The following ARHGAP27 variants were observed in gnomAD, a reference collection of about 807,000 sequenced individuals.
ARHGAP27 encodes rho GTPase-activating protein 27.
A neutral mutation model predicts 102.0 loss-of-function variants in ARHGAP27; 53 were observed. The observed-to-expected ratio is 0.52, with a 90% CI of 0.42 to 0.65. The LOEUF is 0.65. ARHGAP27 is among the 30% of genes least tolerant of loss of function. The probability of loss-of-function intolerance (pLI) is 0.00; values close to 1 mark genes in which losing one functional copy is unlikely to be tolerated. For synonymous variants in ARHGAP27, 525 were observed against 542.8 expected (o/e 0.97, Z 0.46); for missense variants, 1,117 against 1,256.2 (o/e 0.89, Z 1.68).
chr17:45,414,816 T>TG (rs58700080), intron 4 of ARHGAP27, among the ~76,000 whole-genome samples: 142,764 of 142,770 alleles, frequency 1, 71,379 homozygotes, highest in Middle Eastern at 1. Context: ...CCCAGCACTT[T>TG]GGAGGCTGAG....
Position 45,404,107 on chromosome 17 carries a change from G to A in ARHGAP27, c.1480-11C>T. ...GTCCAAGGTCTTGGTCTAAGAGAGA[G>A]AAGAGAGAGCAGGCGCAAGAGTGTG... On this transcript the variant is annotated splice_polypyrimidine_tract_variant and intron_variant, in intron 9 of 19. Coordinates refer to ENST00000685559, the MANE Select transcript of ARHGAP27 (RefSeq NM_001282290.2). The A allele has an allele frequency of 6.2e-7, 1 of 1,614,120 alleles. No homozygotes were observed. Among genetic ancestry groups the A allele is most frequent in the Non-Finnish European group, 8.5e-7 (1 of 1,180,014 alleles).
At position 45,413,300 on chromosome 17, in the gene ARHGAP27, T is replaced by G. The variant is rs2048108980; in HGVS notation, c.658-7217A>C. Reference sequence around the variant, plus strand: ...ACTCAGTGTAATCTTATTGCATGGATGTGGGGTGAGATTCCAAATGTAACG... The same window carrying G: ...ACTCAGTGTAATCTTATTGCATGGAGGTGGGGTGAGATTCCAAATGTAACG... On this transcript the variant is annotated intron_variant, in intron 4 of 19. Transcript: ENST00000685559. Among the ~76,000 whole-genome samples the G allele has an allele frequency of 2.0e-5, 3 of 151,944 alleles. No homozygotes were observed. The South Asian group carries it at 6.2e-4, about 32-fold the overall frequency.
chr17:45,422,533 G>C (rs943311519), intron 4 of ARHGAP27, among the ~76,000 whole-genome samples: 1 of 152,122 alleles, frequency 6.6e-6, no homozygotes, highest in Non-Finnish European at 1.5e-5. Flanking sequence ...GTAAAATAAG[G>C]AGTGGTCATA....
At chr17:45,401,270 T>C (rs1167654870) in intron 12 of ARHGAP27, among the ~76,000 whole-genome samples, 1 of 151,440 alleles carries the variant, frequency 6.6e-6, no homozygotes, top group Non-Finnish European at 1.5e-5. Context: ...GCCCAGGGGC[T>C]TGTGGTTTCA....
intron 11 of ARHGAP27, 149 bp from the exon 12 acceptor site, chr17:45,402,967 C>G: frequency 1.4e-6 from 1 of 712,870 alleles, no homozygotes; most frequent in Non-Finnish European, 2.4e-6. Flanking sequence ...ACCCAGAGAC[C>G]CTGATGCTTC....
At chr17:45,414,931 T>C (rs1412164065) in intron 4 of ARHGAP27, among the ~76,000 whole-genome samples, 1 of 135,434 alleles carries the variant, frequency 7.4e-6, no homozygotes, top group Admixed American at 7.4e-5. Context: ...AAAATAGGCG[T>C]GGTGGCAGTT....
intron 4 of ARHGAP27, among the ~76,000 whole-genome samples, chr17:45,428,793 G>C (rs1487911242): frequency 6.6e-6 from 1 of 152,062 alleles, no homozygotes; most frequent in Admixed American, 6.5e-5. Context: ...ATGGCAGAAC[G>C]GTTCTGAGCA....
chr17:45,414,151 G>A (rs111578425), intron 4 of ARHGAP27, among the ~76,000 whole-genome samples: 100 of 150,736 alleles, frequency 6.6e-4, no homozygotes, highest in African/African-American at 2.3e-3. Context: ...CCCAGCCAGC[G>A]AAGGCTGTAG....
chr17:45,414,902 C>CAAAAAAAAAA (rs35471470), intron 4 of ARHGAP27, among the ~76,000 whole-genome samples: 2 of 92,956 alleles, frequency 2.2e-5, no homozygotes, highest in Non-Finnish European at 4.0e-5. Context: ...CTAAAAATAC[C>CAAAAAAAAAA]AAAAAAAAAA....
chr17:45,396,560 G>T lies in ARHGAP27; in HGVS notation c.2100C>A (p.Ala700=). 6.2e-7 allele frequency: 1 copy of T among 1,601,880 alleles called. No homozygotes were observed. The highest frequency in any genetic ancestry group is 8.5e-7 in the Non-Finnish European group (1 of 1,177,228). The change falls in exon 16 of 20, where the codon GCC becomes GCA. Residue 700 remains alanine (A), a synonymous_variant. Coordinates refer to ENST00000685559, the MANE Select transcript of ARHGAP27 (RefSeq NM_001282290.2). Reference sequence around the variant, plus strand: ...GGCTCCTCTCGCGCTCACACAGCGCGGCCAGCGCGCAGCCGAACACCTGGT... The same window carrying T: ...GGCTCCTCTCGCGCTCACACAGCGCTGCCAGCGCGCAGCCGAACACCTGGT... The part of the protein sequence containing the change: ...IKDQVFGCAL[A]ALCERERSRV...
chr17:45,397,318 C>T (rs1229925851), intron 13 of ARHGAP27: 7 of 1,302,108 alleles, frequency 5.4e-6, no homozygotes, highest in Admixed American at 7.5e-5. Flanking sequence ...TCTCTATTTT[C>T]CTCAGCTCCT....
At chr17:45,419,695 G>A (rs2144894170) in intron 4 of ARHGAP27, among the ~76,000 whole-genome samples, 1 of 151,582 alleles carries the variant, frequency 6.6e-6, no homozygotes, top group Admixed American at 6.6e-5. Context: ...CAGGGTGGGG[G>A]AGGGAATTAC....
At chr17:45,420,212 T>G (rs1458193794) in intron 4 of ARHGAP27, among the ~76,000 whole-genome samples, 2 of 152,236 alleles carry the variant, frequency 1.3e-5, no homozygotes, top group African/African-American at 4.8e-5. Flanking sequence ...AAATGGATTA[T>G]TTGTAGTTGT....
chr17:45,405,408 C>T (rs190462182), intron 5 of ARHGAP27, among the ~76,000 whole-genome samples: 1 of 151,400 alleles, frequency 6.6e-6, no homozygotes, highest in Non-Finnish European at 1.5e-5. Context: ...ACCCATCCTG[C>T]CCCACCCCTC....
chr17:45,428,904 A>T (rs1409507964), intron 4 of ARHGAP27, among the ~76,000 whole-genome samples: 3 of 152,164 alleles, frequency 2.0e-5, no homozygotes, highest in Non-Finnish European at 4.4e-5. Context: ...TGTTTTTAAA[A>T]CGTGCTCTAT....
At chr17:45,426,143 A>G (rs1203487025) in intron 4 of ARHGAP27, among the ~76,000 whole-genome samples, 2 of 152,128 alleles carry the variant, frequency 1.3e-5, no homozygotes, top group Non-Finnish European at 2.9e-5. Flanking sequence ...CCTGCTGGCC[A>G]GGGTGGGGCT....
intron 12 of ARHGAP27, among the ~76,000 whole-genome samples, chr17:45,398,809 T>C (rs1322400194): frequency 6.6e-6 from 1 of 151,448 alleles, no homozygotes; most frequent in East Asian, 1.9e-4. Flanking sequence ...ACAGTGAATA[T>C]AGGGAGAGAG....
chr17:45,431,125 G>A (rs1305322156), intron 3 of ARHGAP27, among the ~76,000 whole-genome samples: 1 of 151,866 alleles, frequency 6.6e-6, no homozygotes, highest in Non-Finnish European at 1.5e-5. Context: ...GTCCCCACGA[G>A]TGGCTCCTGG....
intron 4 of ARHGAP27, among the ~76,000 whole-genome samples, chr17:45,419,964 A>G (rs918594552): frequency 6.6e-6 from 1 of 152,232 alleles, no homozygotes; most frequent in African/African-American, 2.4e-5. Flanking sequence ...AAGTTTGACA[A>G]CAGTCAGTTG....
Sources: gnomAD v4.1 joint callset for allele counts (sites outside exome capture counted in the v4.1 genomes callset) on GRCh38, gnomAD v4.1.1 for gene constraint, MANE v1.5 for transcripts, NCBI Gene and HGNC (gene_info 2026-07-23, HGNC 2026-07-21) for gene names.